The following PDE3A variants were observed in gnomAD, a reference collection of about 807,000 sequenced individuals.
PDE3A encodes cGMP-inhibited 3',5'-cyclic phosphodiesterase 3A.
A neutral mutation model predicts 98.3 loss-of-function variants in PDE3A; 43 were observed. That is an observed-to-expected ratio of 0.44 (90% CI 0.34 to 0.56). The LOEUF (loss-of-function observed/expected upper bound fraction) is 0.56. Among genes scored for constraint, PDE3A ranks in the 20% least tolerant of loss-of-function variants. The pLI is 0.01. For missense variants in PDE3A, 1,427 were observed against 1,440.7 expected, an observed-to-expected ratio of 0.99 and a Z score of 0.15; for synonymous variants, 663 against 567.9, an observed-to-expected ratio of 1.17 and a Z score of -2.38.
Position 20,368,540 on chromosome 12 carries a change from A to C in PDE3A, c.-745A>C, listed in dbSNP as rs1943389934. ...CTCCCTCCCTTCTGCGGCTGCCGCT[A>C]GTCTCTCGGTCTGGCTCTCTCTCCG... On this transcript the variant is annotated 5_prime_UTR_variant, in exon 1 of 16. Coordinates refer to ENST00000359062, the MANE Select transcript of PDE3A (RefSeq NM_000921.5). Among the ~76,000 whole-genome samples the C allele has an allele frequency of 6.7e-6, 1 of 150,004 alleles. No individual in the cohort carries two copies. Among genetic ancestry groups the C allele is most frequent in the African/African-American group, 2.5e-5 (1 of 40,716 alleles).
At chr12:20,519,863 A>T (rs922422100) in intron 1 of PDE3A, among the ~76,000 whole-genome samples, 3 of 152,076 alleles carry the variant, frequency 2.0e-5, no homozygotes, top group Non-Finnish European at 4.4e-5. Flanking sequence ...GAGCTAGCAG[A>T]GGGGTGGTGA....
Position 20,685,733 on chromosome 12 carries a change from A to G in PDE3A, c.*5462A>G, listed in dbSNP as rs1945943650. On this transcript the variant is annotated 3_prime_UTR_variant, in exon 16 of 16. Transcript: ENST00000359062. ...TATCCTTGGGTTTCTGCTTCCTTGA[A>G]AAGTTGTGGAGCACAGAAGAAAAGC... 6.6e-6 allele frequency among the ~76,000 whole-genome samples: 1 copy of G among 152,132 alleles called. No individual in the cohort carries two copies. Among genetic ancestry groups the G allele is most frequent in the East Asian group, 1.9e-4 (1 of 5,184 alleles).
intron 1 of PDE3A, among the ~76,000 whole-genome samples, chr12:20,454,626 C>T (rs753845139): frequency 5.9e-5 from 9 of 152,176 alleles, no homozygotes; most frequent in Non-Finnish European, 1.5e-5. Context: ...TCCTTCCTCC[C>T]ACCCTCCAGC....
intron 1 of PDE3A, among the ~76,000 whole-genome samples, chr12:20,452,631 T>G (rs11045255): frequency 0.24 from 36,273 of 152,108 alleles, 4,473 homozygotes; most frequent in Admixed American, 0.34. Flanking sequence ...ATTTGTTTGA[T>G]CAGAGAAACT....
intron 2 of PDE3A, among the ~76,000 whole-genome samples, chr12:20,584,331 A>C (rs1164960097): frequency 1.3e-5 from 2 of 152,198 alleles, no homozygotes; most frequent in Non-Finnish European, 2.9e-5. Flanking sequence ...GCATTCCAAC[A>C]AGCAGTACAT....
At chr12:20,485,045 A>G (rs936605673) in intron 1 of PDE3A, among the ~76,000 whole-genome samples, 3 of 152,140 alleles carry the variant, frequency 2.0e-5, no homozygotes, top group African/African-American at 7.2e-5. Flanking sequence ...AGACAATGAA[A>G]TGTCAATTTT....
intron 1 of PDE3A, among the ~76,000 whole-genome samples, chr12:20,543,891 A>G (rs1941986292): frequency 6.6e-6 from 1 of 151,934 alleles, no homozygotes; most frequent in African/African-American, 2.4e-5. Flanking sequence ...ACAAAACCAT[A>G]CAAATTGGAT....
At chr12:20,480,294 A>C (rs1247820964) in intron 1 of PDE3A, among the ~76,000 whole-genome samples, 2 of 152,200 alleles carry the variant, frequency 1.3e-5, no homozygotes. Flanking sequence ...AAGTCAAAAC[A>C]ATAGAACATC....
intron 1 of PDE3A, among the ~76,000 whole-genome samples, chr12:20,540,744 GA>G (rs1210127633): frequency 6.6e-6 from 1 of 151,956 alleles, no homozygotes; most frequent in Non-Finnish European, 1.5e-5. Flanking sequence ...GGAAACTAAA[GA>G]ATTTTTCTGT....
At chr12:20,468,953 A>G (rs1945389934) in intron 1 of PDE3A, among the ~76,000 whole-genome samples, 1 of 152,224 alleles carries the variant, frequency 6.6e-6, no homozygotes, top group Non-Finnish European at 1.5e-5. Context: ...CACTAAGTGT[A>G]TCATTAATGT....
intron 1 of PDE3A, 116 bp downstream of exon 1, chr12:20,370,360 G>T: frequency 1.3e-6 from 1 of 785,232 alleles, no homozygotes; most frequent in Non-Finnish European, 1.8e-6. Context: ...TAGAAAACTG[G>T]TCTAACTTCA....
intron 1 of PDE3A, among the ~76,000 whole-genome samples, chr12:20,448,096 C>G (rs1237540063): frequency 6.6e-6 from 1 of 152,102 alleles, no homozygotes; most frequent in South Asian, 2.1e-4. Flanking sequence ...GAAGTCACAG[C>G]GAGGAGCCCA....
intron 8 of PDE3A, 55 bp from the exon 9 acceptor site, chr12:20,637,045 T>C (rs1944529752): frequency 1.6e-6 from 2 of 1,273,568 alleles, no homozygotes; most frequent in African/African-American, 1.5e-5. Context: ...AAAGCACAAA[T>C]TGCCCTGTAG....
chr12:20,476,784 A>G (rs1945538898), intron 1 of PDE3A, among the ~76,000 whole-genome samples: 1 of 152,226 alleles, frequency 6.6e-6, no homozygotes, highest in Non-Finnish European at 1.5e-5. Flanking sequence ...AAGATATGAC[A>G]ACAAAATTAT....
At chr12:20,598,084 A>G (rs1943507637) in intron 2 of PDE3A, among the ~76,000 whole-genome samples, 1 of 151,884 alleles carries the variant, frequency 6.6e-6, no homozygotes, top group African/African-American at 2.4e-5. Flanking sequence ...AGTTTGATCT[A>G]TTTTTAAGTT....
chr12:20,514,354 C>T (rs1381339172), intron 1 of PDE3A, among the ~76,000 whole-genome samples: 2 of 152,066 alleles, frequency 1.3e-5, no homozygotes, highest in Admixed American at 6.5e-5. Context: ...TGTACAGGAA[C>T]CTTCTATTAA....
At chr12:20,510,132 T>C (rs1334827932) in intron 1 of PDE3A, among the ~76,000 whole-genome samples, 1 of 152,060 alleles carries the variant, frequency 6.6e-6, no homozygotes, top group African/African-American at 2.4e-5. Flanking sequence ...TAGCAACACA[T>C]TTTATCAGTA....
intron 1 of PDE3A, among the ~76,000 whole-genome samples, chr12:20,533,478 C>CTTTT (rs10707682): frequency 4.8e-5 from 6 of 124,648 alleles, no homozygotes; most frequent in Non-Finnish European, 5.1e-5. Flanking sequence ...GTTTCTTTTT[C>CTTTT]TTTTTTTTTT....
chr12:20,651,494 T>C (rs1944914541), intron 14 of PDE3A, among the ~76,000 whole-genome samples: 1 of 152,210 alleles, frequency 6.6e-6, no homozygotes, highest in African/African-American at 2.4e-5. Flanking sequence ...ATAAATTATA[T>C]AACATACTTA....
Sources: gnomAD v4.1 joint callset for allele counts (sites outside exome capture counted in the v4.1 genomes callset) on GRCh38, gnomAD v4.1.1 for gene constraint, MANE v1.5 for transcripts, NCBI Gene and HGNC (gene_info 2026-07-23, HGNC 2026-07-21) for gene names.